The following RAB11FIP4 variants were observed in gnomAD, a reference collection of about 807,000 sequenced individuals.
RAB11FIP4 encodes RAB11 family interacting protein 4.
Under a neutral mutation model 74.3 loss-of-function variants are expected in RAB11FIP4, and 23 were observed. The observed-to-expected ratio is 0.31, with a 90% CI of 0.22 to 0.44. The LOEUF is 0.44. RAB11FIP4 is among the 20% of genes least tolerant of loss of function. The pLI is 1.00. For missense variants in RAB11FIP4, 630 were observed against 863.9 expected, an observed-to-expected ratio of 0.73 and a Z score of 3.39; for synonymous variants, 360 against 359.9, an observed-to-expected ratio of 1.00 and a Z score of 0.00.
chr17:31,468,470 C>T (rs763267489), intron 3 of RAB11FIP4, among the ~76,000 whole-genome samples: 1 of 152,178 alleles, frequency 6.6e-6, no homozygotes, highest in Non-Finnish European at 1.5e-5. Context: ...AAGAGCAATG[C>T]ATTCTCTGGT....
chr17:31,469,652 C>T (rs1020804224), intron 3 of RAB11FIP4, among the ~76,000 whole-genome samples: 65 of 141,320 alleles, frequency 4.6e-4, no homozygotes, highest in African/African-American at 1.4e-3. Flanking sequence ...AAAAAAAAAG[C>T]GAGACTATAT....
intron 3 of RAB11FIP4, among the ~76,000 whole-genome samples, chr17:31,454,985 G>C (rs1028374675): frequency 3.9e-5 from 6 of 152,164 alleles, no homozygotes; most frequent in African/African-American, 1.4e-4. Flanking sequence ...GAAGAGGACT[G>C]GTCTCCAGTC....
intron 3 of RAB11FIP4, among the ~76,000 whole-genome samples, chr17:31,507,917 C>T (rs1269397702): frequency 6.6e-6 from 1 of 152,170 alleles, no homozygotes; most frequent in Non-Finnish European, 1.5e-5. Flanking sequence ...GCCTCGACTT[C>T]CTGGGCTCAG....
In RAB11FIP4 at chr17:31,521,946, G is replaced by C. The variant is rs142781789; in HGVS notation, c.790G>C (p.Val264Leu). The change falls in exon 6 of 15, where the codon GTG becomes CTG. Residue 264 changes from valine to leucine, a missense_variant. Coordinates refer to ENST00000621161, the MANE Select transcript of RAB11FIP4 (RefSeq NM_032932.6). ...AGQTPRKMRH[V>L]YNSELLDVYC... is the part of the protein sequence containing the mutation. ...GCAGACGCCTAGGAAAATGCGGCAC[G>C]TGTACAACAGCGAATTGCTAGATGT... 4.3e-6 allele frequency: 7 copies of C among 1,614,206 alleles called. No homozygotes were observed. The highest frequency in any genetic ancestry group is 1.1e-5 in the South Asian group (1 of 91,086).
At position 31,536,100 on chromosome 17, in the gene RAB11FIP4, G is replaced by A. The variant is rs1314227690; in HGVS notation, c.*4368G>A. On this transcript the variant is annotated 3_prime_UTR_variant, in exon 15 of 15. Coordinates refer to ENST00000621161, the MANE Select transcript of RAB11FIP4 (RefSeq NM_032932.6). ...GGTTCCAATGAGGGACTTAGCAGAA[G>A]CCTCCAGGGGCCAGCAGGGCCAGGT... is the stretch of plus-strand genomic sequence containing the variant. The A allele has an allele frequency of 2.0e-5, 3 of 151,942 alleles. No individual in the cohort carries two copies. In the East Asian group the frequency reaches 5.8e-4, roughly 29 times the overall value. The allele number at this position is 151,942 out of a possible 1,614,324, so 9.4% of individuals were successfully genotyped here. A position where few individuals can be genotyped will look rare whatever the true frequency, so the allele number is the denominator to read the frequency against.
chr17:31,409,048 C>T (rs780174673), intron 1 of RAB11FIP4, among the ~76,000 whole-genome samples: 1 of 152,174 alleles, frequency 6.6e-6, no homozygotes, highest in Non-Finnish European at 1.5e-5. Flanking sequence ...AGAGTTGATC[C>T]GGGCAGCCAG....
At chr17:31,499,598 G>A (rs559365490) in intron 3 of RAB11FIP4, among the ~76,000 whole-genome samples, 41 of 152,118 alleles carry the variant, frequency 2.7e-4, no homozygotes, top group African/African-American at 9.2e-4. Flanking sequence ...CTCGTGATCC[G>A]CCCGTCTCGG....
intron 3 of RAB11FIP4, among the ~76,000 whole-genome samples, chr17:31,447,752 A>AC (rs1269701649): frequency 1.3e-5 from 2 of 152,084 alleles, no homozygotes; most frequent in African/African-American, 4.8e-5. Context: ...CGAACTCCTG[A>AC]CCTCAGGTGA....
At chr17:31,521,500 T>G (rs976255463) in intron 5 of RAB11FIP4, 140 bp downstream of exon 5, 11 of 768,032 alleles carry the variant, frequency 1.4e-5, no homozygotes, top group Admixed American at 6.2e-5. Flanking sequence ...CTCCTGGGGC[T>G]TGGGGTTGCT....
chr17:31,436,098 C>T lies in RAB11FIP4; in HGVS notation c.336+1976C>T, dbSNP rs559386295. 7.2e-5 allele frequency among the ~76,000 whole-genome samples: 11 copies of T among 152,218 alleles called. 1 individual carries two copies. In the South Asian group the frequency reaches 2.1e-3, roughly 29 times the overall value. On this transcript the variant is annotated intron_variant, in intron 3 of 14. Transcript: ENST00000621161. ...TCCTGGATTGCTGAGCAGGAGGCAG[C>T]GTGCAGAGGTGTGCAGGACTGGGTC... is the stretch of plus-strand genomic sequence containing the variant.
intron 3 of RAB11FIP4, among the ~76,000 whole-genome samples, chr17:31,448,817 G>C (rs1232457251): frequency 6.6e-6 from 1 of 152,104 alleles, no homozygotes; most frequent in East Asian, 1.9e-4. Flanking sequence ...ATCCTGGAAA[G>C]AGCTCAGGTT....
chr17:31,524,813 G>T (rs1007949521), intron 9 of RAB11FIP4: 14 of 532,086 alleles, frequency 2.6e-5, no homozygotes, highest in Non-Finnish European at 4.7e-5. Flanking sequence ...TTCCGGCCAG[G>T]TGTGGCTGCA....
At chr17:31,518,177 A>T (rs371626016) in intron 4 of RAB11FIP4, among the ~76,000 whole-genome samples, 1 of 152,080 alleles carries the variant, frequency 6.6e-6, no homozygotes, top group East Asian at 1.9e-4. Flanking sequence ...AATATGAGAT[A>T]TATGATCTCA....
intron 3 of RAB11FIP4, among the ~76,000 whole-genome samples, chr17:31,459,833 G>C (rs764766460): frequency 2.1e-4 from 32 of 150,242 alleles, no homozygotes; most frequent in Non-Finnish European, 5.9e-5. Flanking sequence ...TTGTGCCCCA[G>C]AGGGGCTCCT....
intron 3 of RAB11FIP4, among the ~76,000 whole-genome samples, chr17:31,514,359 G>A (rs1002070698): frequency 6.6e-6 from 1 of 152,214 alleles, no homozygotes; most frequent in Non-Finnish European, 1.5e-5. Context: ...GACACCTGAG[G>A]AGCAAGGACG....
chr17:31,524,687 GC>G, intron 9 of RAB11FIP4: 2 of 241,054 alleles, frequency 8.3e-6, no homozygotes, highest in Non-Finnish European at 1.6e-5. Flanking sequence ...CAGACTTCAG[GC>G]CACCAGCCAG....
chr17:31,491,035 A>G (rs1330549312), intron 3 of RAB11FIP4, among the ~76,000 whole-genome samples: 3 of 152,250 alleles, frequency 2.0e-5, no homozygotes, highest in Admixed American at 6.5e-5. Flanking sequence ...TCGAAGATCA[A>G]TGCCCAGTTA....
chr17:31,511,480 C>T (rs1227217599), intron 3 of RAB11FIP4, among the ~76,000 whole-genome samples: 4 of 152,254 alleles, frequency 2.6e-5, no homozygotes, highest in Admixed American at 6.5e-5. Flanking sequence ...GCTCATCATA[C>T]TGCAGTACAG....
At chr17:31,439,336 T>C (rs2071387793) in intron 3 of RAB11FIP4, among the ~76,000 whole-genome samples, 1 of 152,232 alleles carries the variant, frequency 6.6e-6, no homozygotes, top group Non-Finnish European at 1.5e-5. Context: ...CCAAGCACTA[T>C]ATGAGATTGC....
Sources: allele counts gnomAD v4.1 joint callset (sites outside exome capture counted in the v4.1 genomes callset), GRCh38; gene constraint gnomAD v4.1.1; transcripts MANE v1.5; gene names NCBI Gene and HGNC (gene_info 2026-07-23, HGNC 2026-07-21).